WRN: variants seen among roughly 807,000 people sequenced by gnomAD.
WRN encodes the protein bifunctional 3'-5' exonuclease/ATP-dependent helicase WRN.
A neutral mutation model predicts 180.7 loss-of-function variants in WRN; 149 were observed. That is an observed-to-expected ratio of 0.82 (90% CI 0.72 to 0.94). The LOEUF (loss-of-function observed/expected upper bound fraction) is 0.94, where lower values mean the gene tolerates loss of function less well. WRN is among the 40% of genes least tolerant of loss of function. WRN has a pLI of 0.00. For synonymous variants in WRN, 548 were observed against 568.9 expected (o/e 0.96, Z 0.52); for missense variants, 1,661 against 1,700.1 (o/e 0.98, Z 0.40).
intron 23 of WRN, among the ~76,000 whole-genome samples, chr8:31,126,271 A>G (rs954396065): frequency 2.6e-5 from 4 of 152,180 alleles, no homozygotes; most frequent in Admixed American, 6.5e-5. Context: ...AACCTTAACA[A>G]ATTTAAGAAT....
rs1407559407 is a variant in WRN, at chr8:31,116,510, T to C, written c.2430T>C (p.Phe810=). The C allele has an allele frequency of 6.2e-7, 1 of 1,613,930 alleles. No homozygotes were observed. The highest frequency in any genetic ancestry group is 8.5e-7 in the Non-Finnish European group (1 of 1,179,882). ...FSTRKDIHHR[F]VRDEIQCVIA... is the part of the protein sequence containing the mutation. ...CAAGGAAAGACATTCATCATAGGTTTGTAAGAGATGAAATTCAGGTATGAG... is the reference window on the plus strand; with the variant it reads ...CAAGGAAAGACATTCATCATAGGTTCGTAAGAGATGAAATTCAGGTATGAG... Residue 810 remains phenylalanine (F), a synonymous_variant, in exon 20 of 35, where the codon TTT becomes TTC. Coordinates refer to ENST00000298139, the MANE Select transcript of WRN (RefSeq NM_000553.6).
intron 24 of WRN, 48 bp from the exon 25 acceptor site, chr8:31,141,382 T>C: frequency 6.2e-7 from 1 of 1,606,640 alleles, no homozygotes; most frequent in Non-Finnish European, 8.5e-7. Context: ...ACTTAACCTA[T>C]ATGTTTAAAT....
At chr8:31,097,901 A>G (rs955402953) in intron 17 of WRN, among the ~76,000 whole-genome samples, 4 of 152,158 alleles carry the variant, frequency 2.6e-5, no homozygotes, top group Admixed American at 2.6e-4. Context: ...TAATTTTTCA[A>G]TATCATATGA....
chr8:31,067,019 T>A lies in WRN; in HGVS notation c.505-14T>A, dbSNP rs1812731791. The A allele has an allele frequency of 6.2e-7, 1 of 1,613,348 alleles. No homozygotes were observed. Among genetic ancestry groups the A allele is most frequent in the African/African-American group, 1.3e-5 (1 of 74,912 alleles). ...GGAACTGATTTTACTGTGTTGCTTT[T>A]TCATCATTTCTAGCTGAAATGCACA... is the stretch of plus-strand genomic sequence containing the variant. On this transcript the variant is annotated splice_polypyrimidine_tract_variant and intron_variant, in intron 5 of 34. Coordinates refer to ENST00000298139, the MANE Select transcript of WRN (RefSeq NM_000553.6).
chr8:31,075,581 G>A (rs1293617007), intron 7 of WRN, among the ~76,000 whole-genome samples: 11 of 151,902 alleles, frequency 7.2e-5, no homozygotes, highest in African/African-American at 1.7e-4. Flanking sequence ...TTAGCTGGTC[G>A]TGGTGGCACA....
rs1235836800 is a variant in WRN, at chr8:31,124,529, C to T, written c.2638C>T (p.Leu880Phe). ...PADINLNRHL[L>F]TEIRNEKFRL... ...GATGTTTTTAATCGACAGGCACCTT[C>T]TTACTGAGATACGTAATGAGAAGTT... Residue 880 changes from leucine to phenylalanine, a missense_variant, in exon 22 of 35, where the codon CTT becomes TTT. Around this residue, in one of 3 missense-constraint regions of WRN, gnomAD observed 1,141 missense variants for 1,149.4 expected, o/e 0.99. Transcript: ENST00000298139. The T allele has an allele frequency of 1.9e-6, 3 of 1,611,808 alleles. No homozygotes were observed. The highest frequency in any genetic ancestry group is 1.7e-6 in the Non-Finnish European group (2 of 1,178,502).
At position 31,120,280 on chromosome 8, in the gene WRN, A is replaced by G; in HGVS notation, c.2486A>G (p.Asn829Ser). The G allele has an allele frequency of 6.2e-7, 1 of 1,613,012 alleles. No individual in the cohort carries two copies. The highest frequency in any genetic ancestry group is 2.2e-5 in the East Asian group (1 of 44,852). The change falls in exon 21 of 35, where the codon AAT (asparagine) becomes AGT (serine). Residue 829 changes from asparagine (N) to serine (S), a missense_variant. Asn to Ser is a conservative substitution (Grantham distance 46). Coordinates refer to ENST00000298139, the MANE Select transcript of WRN (RefSeq NM_000553.6). ...IATIAFGMGI[N>S]KADIRQVIHY... ...ACCATAGCTTTTGGAATGGGCATTA[A>G]TAAAGCTGACATTCGCCAAGTCATT...
chr8:31,113,407 A>ATT (rs1801394638), intron 19 of WRN, among the ~76,000 whole-genome samples: 1 of 152,144 alleles, frequency 6.6e-6, no homozygotes, highest in Non-Finnish European at 1.5e-5. Flanking sequence ...TCAGAATAAA[A>ATT]CAAGAATGGA....
intron 20 of WRN, chr8:31,119,908 G>T: frequency 3.4e-6 from 1 of 297,248 alleles, no homozygotes; most frequent in Non-Finnish European, 6.5e-6. Flanking sequence ...CTGCAATCAG[G>T]TAAGGACGCT....
intron 31 of WRN, among the ~76,000 whole-genome samples, chr8:31,152,871 T>A (rs1390546971): frequency 1.3e-5 from 2 of 152,044 alleles, no homozygotes; most frequent in Non-Finnish European, 2.9e-5. Flanking sequence ...AGACCCGACC[T>A]CTACAAAAAC....
intron 9 of WRN, 44 bp from the exon 10 acceptor site, chr8:31,083,655 A>C (rs779788900): frequency 3.3e-6 from 5 of 1,513,612 alleles, no homozygotes; most frequent in Admixed American, 3.4e-5. Flanking sequence ...AGAGGATATG[A>C]AGTCAATTAT....
Position 31,068,301 on chromosome 8 carries a change from C to G in WRN, c.698C>G (p.Thr233Ser). ...IYRNLEILDD[T>S]VQRFAINKEE... ...CGAAATTTAGAGATTTTGGATGATACTGTGCAAAGGTTTGCTATAAATAAA... is the reference window on the plus strand; with the variant it reads ...CGAAATTTAGAGATTTTGGATGATAGTGTGCAAAGGTTTGCTATAAATAAA... The change falls in exon 7 of 35, where the codon ACT becomes AGT. Residue 233 changes from threonine to serine, a missense_variant. By Grantham distance (58) the Thr-to-Ser change is moderately conservative (BLOSUM62 1). Transcript: ENST00000298139. 1 of 1,608,842 alleles carries G rather than the reference C, an allele frequency of 6.2e-7. No individual in the cohort carries two copies. Among genetic ancestry groups the G allele is most frequent in the Non-Finnish European group, 8.5e-7 (1 of 1,176,164 alleles).
chr8:31,140,797 C>T (rs1386217567), intron 24 of WRN, among the ~76,000 whole-genome samples: 3 of 151,898 alleles, frequency 2.0e-5, no homozygotes, highest in Non-Finnish European at 2.9e-5. Context: ...GCTCTGTTGC[C>T]CAGGCTGGAG....
intron 30 of WRN, among the ~76,000 whole-genome samples, chr8:31,148,672 G>A (rs992889083): frequency 5.9e-5 from 9 of 152,176 alleles, no homozygotes; most frequent in Non-Finnish European, 1.5e-5. Flanking sequence ...AAGACTATGA[G>A]AAGGTCTTTC....
chr8:31,080,605 A>G (rs1356405555), intron 8 of WRN, among the ~76,000 whole-genome samples: 1 of 151,986 alleles, frequency 6.6e-6, no homozygotes, highest in African/African-American at 2.4e-5. Flanking sequence ...TATAGTTGAC[A>G]TAAACAAATT....
chr8:31,150,043 A>G (rs1803056352), intron 30 of WRN, among the ~76,000 whole-genome samples: 1 of 152,228 alleles, frequency 6.6e-6, no homozygotes, highest in African/African-American at 2.4e-5. Flanking sequence ...TAATAAAATC[A>G]GTAATAAAGT....
chr8:31,154,847 T>A lies in WRN; in HGVS notation c.3819+92T>A, dbSNP rs896240239. The A allele has an allele frequency of 2.7e-6, 4 of 1,462,808 alleles. No homozygotes were observed. In the Admixed American group the frequency reaches 7.1e-5, roughly 26 times the overall value. 90.6% of individuals were successfully genotyped at this position (1,462,808 alleles called of 1,614,324 possible). On this transcript the variant is annotated intron_variant, in intron 32 of 34. Transcript: ENST00000298139. ...TTAGTATTAAAGTTCTGACTTGGGA[T>A]CAATTTCCTCCAACCCTACAATAAA... is the stretch of plus-strand genomic sequence containing the variant.
chr8:31,079,344 T>A (rs1321006226), intron 8 of WRN, among the ~76,000 whole-genome samples: 2 of 152,190 alleles, frequency 1.3e-5, no homozygotes, highest in African/African-American at 4.8e-5. Flanking sequence ...TTAAAAGACA[T>A]GTCAGATTTT....
chr8:31,099,445 T>G (rs1278951684), intron 17 of WRN, among the ~76,000 whole-genome samples: 2 of 151,404 alleles, frequency 1.3e-5, no homozygotes, highest in Non-Finnish European at 2.9e-5. Context: ...AGGTTTAGTT[T>G]CAAAAGCCAA....
Sources: gnomAD v4.1 joint callset for allele counts (sites outside exome capture counted in the v4.1 genomes callset) on GRCh38, gnomAD v4.1.1 for gene constraint, gnomAD v4.1.1 regional missense constraint, MANE v1.5 for transcripts, NCBI Gene and HGNC (gene_info 2026-07-23, HGNC 2026-07-21) for gene names.